DEFB119: variants seen among roughly 807,000 people sequenced by gnomAD.
DEFB119 encodes beta-defensin 119.
DEFB119 carries 3 observed loss-of-function variants against 2.5 expected under a neutral mutation model. The ratio of observed to expected loss-of-function variants is 1.19; its 90% CI spans 0.54 to 3.07. The LOEUF (loss-of-function observed/expected upper bound fraction) is 3.07, where lower values mean the gene tolerates loss of function less well. DEFB119 is among the 30% of genes most tolerant of loss of function. The probability of loss-of-function intolerance (pLI) is 0.03; values close to 1 mark genes in which losing one functional copy is unlikely to be tolerated. For missense variants in DEFB119, 113 were observed against 101.1 expected (o/e 1.12, Z -0.50); for synonymous variants, 29 against 33.7 (o/e 0.86, Z 0.48).
intron 1 of DEFB119, chr20:31,389,235 G>T (rs769136479): frequency 6.2e-7 from 1 of 1,614,004 alleles, no homozygotes; most frequent in South Asian, 1.1e-5. Flanking sequence ...ACTCTACTTT[G>T]GGGCATATGA....
intron 1 of DEFB119, chr20:31,388,901 C>A (rs1306707889): frequency 2.7e-6 from 4 of 1,491,644 alleles, no homozygotes; most frequent in Non-Finnish European, 3.6e-6. Context: ...TCTTCACCTC[C>A]CCCTGCCATC....
chr20:31,390,605 G>A (rs926218763), upstream of DEFB119: 1 of 909,634 alleles, frequency 1.1e-6, no homozygotes, highest in South Asian at 1.5e-5. Flanking sequence ...AATTAGAACA[G>A]GAGGGGATTT....
At chr20:31,381,103 T>C (rs1471015186) in intron 1 of DEFB119, among the ~76,000 whole-genome samples, 2 of 152,200 alleles carry the variant, frequency 1.3e-5, no homozygotes, top group East Asian at 1.9e-4. Context: ...CAATATTCTA[T>C]AGTTTTCAGC....
In DEFB119 at chr20:31,378,622, A is replaced by G. The variant is rs1600505116; in HGVS notation, c.62-1183T>C. Among the ~76,000 whole-genome samples, 5 of 152,340 alleles carry G rather than the reference A, an allele frequency of 3.3e-5. No homozygotes were observed. The East Asian group carries it at 5.8e-4, about 18-fold the overall frequency. On this transcript the variant is annotated intron_variant, in intron 1 of 1. Transcript: ENST00000376321. Reference sequence around the variant, plus strand: ...TTCTGAGTAATATTCCACAGTATAAATGTAGTACAGTCTATTTAACCATGT... The same window carrying G: ...TTCTGAGTAATATTCCACAGTATAAGTGTAGTACAGTCTATTTAACCATGT...
rs112304323 is a variant in DEFB119 at position 31,389,132 on chromosome 20, G to A, written c.61+1291C>T. The A allele has an allele frequency of 6.4e-5, 103 of 1,614,172 alleles. No individual in the cohort carries two copies. The African/African-American group carries it at 1.1e-3, about 16-fold the overall frequency. ...GTTACTGGTTGGATTGTTAAATAAC[G>A]ACTAGGAACACAGCACCGTTTACGA... On this transcript the variant is annotated intron_variant, in intron 1 of 1. Coordinates refer to ENST00000376321, the MANE Select transcript of DEFB119 (RefSeq NM_153289.4).
At chr20:31,383,690 A>G (rs941267711) in intron 1 of DEFB119, among the ~76,000 whole-genome samples, 1 of 151,746 alleles carries the variant, frequency 6.6e-6, no homozygotes, top group African/African-American at 2.4e-5. Flanking sequence ...TAAAAATACA[A>G]AGATTAGCCT....
chr20:31,388,373 T>C (rs1031162996), intron 1 of DEFB119: 2 of 933,428 alleles, frequency 2.1e-6, no homozygotes, highest in Non-Finnish European at 2.6e-6. Context: ...AAATAGATTC[T>C]ACAATTACTC....
At chr20:31,390,251 A>C in intron 1 of DEFB119, among the ~76,000 whole-genome samples, 172 bp downstream of exon 1, 1 of 151,308 alleles carries the variant, frequency 6.6e-6, no homozygotes. Context: ...TCATCCCACC[A>C]CTCTGGCAAA....
rs148428945 is a variant in DEFB119 at position 31,386,810 on chromosome 20, C to CTTTTTTTTTTTTT, written c.61+3600_61+3612dup. Among the ~76,000 whole-genome samples the CTTTTTTTTTTTTT allele has an allele frequency of 1.0e-3, 114 of 108,902 alleles. 1 individual carries two copies. The highest frequency in any genetic ancestry group is 2.0e-3 in the African/African-American group (51 of 24,892). The allele number at this position is 108,902 out of a possible 152,430, so 71.4% of individuals were successfully genotyped here. On this transcript the variant is annotated intron_variant, in intron 1 of 1. Transcript: ENST00000376321. The stretch of plus-strand genomic sequence containing the variant: ...GTATTTTCTTTTTCTTTTTCTTTTT[C>CTTTTTTTTTTTTT]TTTTTTTTTTTTTTTTTTTTTGAGA...
chr20:31,383,368 C>T lies in DEFB119; in HGVS notation c.62-5929G>A, dbSNP rs1227067663. Among the ~76,000 whole-genome samples, 2 of 151,772 alleles carry T rather than the reference C, an allele frequency of 1.3e-5. 1 individual carries two copies. The highest frequency in any genetic ancestry group is 3.9e-4 in the East Asian group (2 of 5,174). On this transcript the variant is annotated intron_variant, in intron 1 of 1. Transcript: ENST00000376321. ...AACAAGCCTGGCCAACATGGTGAAA[C>T]CTTGTCTCTACTAAAAAATACAAAA... is the stretch of plus-strand genomic sequence containing the variant.
rs149128403 is a variant in DEFB119, at chr20:31,386,141, C to A, written c.61+4282G>T. Among the ~76,000 whole-genome samples the A allele has an allele frequency of 3.3e-5, 5 of 152,122 alleles. No individual in the cohort carries two copies. In the East Asian group the frequency reaches 9.7e-4, roughly 29 times the overall value. The stretch of plus-strand genomic sequence containing the variant: ...CGTGAGGGCTTTGAATGTCTGGACC[C>A]CGGGTGGTGATGAGCAAAGGAAGAA... On this transcript the variant is annotated intron_variant, in intron 1 of 1. Transcript: ENST00000376321.
At chr20:31,384,468 A>G (rs568781601) in intron 1 of DEFB119, among the ~76,000 whole-genome samples, 2 of 152,320 alleles carry the variant, frequency 1.3e-5, no homozygotes, top group African/African-American at 2.4e-5. Context: ...GATAAAAAAA[A>G]TTCACCGAAA....
At chr20:31,380,046 C>G (rs1986451289) in intron 1 of DEFB119, among the ~76,000 whole-genome samples, 1 of 152,036 alleles carries the variant, frequency 6.6e-6, no homozygotes. Context: ...ATAATCTTGC[C>G]CTGTTGTAAT....
At chr20:31,389,237 G>A (rs1423406965) in intron 1 of DEFB119, 2 of 1,614,002 alleles carry the variant, frequency 1.2e-6, no homozygotes, top group South Asian at 1.1e-5. Flanking sequence ...TCTACTTTGG[G>A]GCATATGAAC....
At chr20:31,381,632 G>C (rs577363888) in intron 1 of DEFB119, among the ~76,000 whole-genome samples, 4 of 152,244 alleles carry the variant, frequency 2.6e-5, no homozygotes, top group Admixed American at 2.6e-4. Flanking sequence ...GGGTGACATG[G>C]CAAAACCCAT....
At chr20:31,389,542 G>A (rs752418643) in intron 1 of DEFB119, among the ~76,000 whole-genome samples, 2 of 152,052 alleles carry the variant, frequency 1.3e-5, no homozygotes, top group African/African-American at 2.4e-5. Context: ...GTCCCACCTA[G>A]CAGAGCTAGG....
chr20:31,381,810 C>CA (rs58252281), intron 1 of DEFB119, among the ~76,000 whole-genome samples: 13,660 of 141,190 alleles, frequency 0.097, 1,805 homozygotes, highest in African/African-American at 0.31. Context: ...GACACTGTCT[C>CA]AAAAAAAAAA....
At chr20:31,390,368 A>G in intron 1 of DEFB119, 55 bp downstream of exon 1, 11 of 1,528,920 alleles carry the variant, frequency 7.2e-6, no homozygotes, top group Non-Finnish European at 1.0e-5. Context: ...GAGGGAAGGG[A>G]AAGACGGGAA....
intron 1 of DEFB119, chr20:31,388,041 C>T (rs770737711): frequency 7.3e-4 from 720 of 984,994 alleles, no homozygotes; most frequent in Admixed American, 1.2e-3. Flanking sequence ...CTGCAGAGGA[C>T]GCAGTTCAGG....
Sources: gnomAD v4.1 joint callset for allele counts (sites outside exome capture counted in the v4.1 genomes callset) on GRCh38, gnomAD v4.1.1 for gene constraint, MANE v1.5 for transcripts, NCBI Gene and HGNC (gene_info 2026-07-23, HGNC 2026-07-21) for gene names.